Variants in TRPM8 observed in about 807,000 individuals in gnomAD.
TRPM8 encodes the protein transient receptor potential cation channel subfamily M member 8, also known as TRPM8 cationic channel.
In TRPM8, 110 loss-of-function variants were observed where a neutral mutation model predicts 133.7. The ratio of observed to expected loss-of-function variants is 0.82; its 90% CI spans 0.70 to 0.96. The LOEUF (loss-of-function observed/expected upper bound fraction) is 0.96. TRPM8 is among the 40% of genes least tolerant of loss of function. The probability of loss-of-function intolerance (pLI) is 0.00; values close to 1 mark genes in which losing one functional copy is unlikely to be tolerated. For missense variants in TRPM8, 1,291 were observed against 1,379.5 expected (o/e 0.94, Z 1.02); for synonymous variants, 535 against 532.3 (o/e 1.01, Z -0.07).
At chr2:233,940,632 A>G (rs1690882610) in intron 5 of TRPM8, among the ~76,000 whole-genome samples, 1 of 152,210 alleles carries the variant, frequency 6.6e-6, no homozygotes, top group South Asian at 2.1e-4. Context: ...GTCCACTTGG[A>G]GTGCTACCTT....
At position 233,966,605 on chromosome 2, in the gene TRPM8, T is replaced by C. The variant is rs1182713882; in HGVS notation, c.1880-5T>C. ...CAGCTTCTCTCTGTGCTGATGTCGCTGTAGAGCTGTTCACTGAGTGTTACA... is the reference window on the plus strand; with the variant it reads ...CAGCTTCTCTCTGTGCTGATGTCGCCGTAGAGCTGTTCACTGAGTGTTACA... On this transcript the variant is annotated splice_polypyrimidine_tract_variant and splice_region_variant and intron_variant, in intron 14 of 25. Transcript: ENST00000324695. The C allele has an allele frequency of 5.0e-6, 8 of 1,614,074 alleles. No individual in the cohort carries two copies. Among genetic ancestry groups the C allele is most frequent in the South Asian group, 1.1e-5 (1 of 91,082 alleles).
At chr2:233,953,518 G>A (rs867955110) in intron 9 of TRPM8, among the ~76,000 whole-genome samples, 3 of 152,132 alleles carry the variant, frequency 2.0e-5, no homozygotes, top group Non-Finnish European at 4.4e-5. Context: ...TTGCATTTGA[G>A]CTTTTATTTC....
At chr2:233,943,005 C>A in intron 6 of TRPM8, 8 of 453,208 alleles carry the variant, frequency 1.8e-5, no homozygotes, top group Admixed American at 3.4e-5. Context: ...CAGTCAGGTT[C>A]TTTATTCTTC....
chr2:233,965,885 G>A (rs1398570589), intron 14 of TRPM8: 3 of 144,104 alleles, frequency 2.1e-5, no homozygotes, highest in Non-Finnish European at 4.5e-5. Flanking sequence ...TTTCGCTCTT[G>A]TTGCCCAGGC....
intron 24 of TRPM8, among the ~76,000 whole-genome samples, chr2:234,012,948 C>A (rs536288546): frequency 2.6e-5 from 4 of 152,232 alleles, no homozygotes; most frequent in African/African-American, 7.2e-5. Context: ...TTGAACCACC[C>A]TTGCATCCCA....
chr2:233,965,823 C>T (rs531564677), intron 14 of TRPM8, among the ~76,000 whole-genome samples: 60 of 151,810 alleles, frequency 4.0e-4, no homozygotes, highest in African/African-American at 1.4e-3. Context: ...AATGTAAGCA[C>T]ACACTAATGC....
chr2:233,939,221 C>T, intron 5 of TRPM8, 46 bp downstream of exon 5: 1 of 1,602,274 alleles, frequency 6.2e-7, no homozygotes, highest in Non-Finnish European at 8.5e-7. Context: ...TCGGGCTGCA[C>T]CAAGTTTGGG....
At chr2:233,966,307 C>G (rs1691573394) in intron 14 of TRPM8, among the ~76,000 whole-genome samples, 2 of 152,136 alleles carry the variant, frequency 1.3e-5, no homozygotes, top group African/African-American at 4.8e-5. Context: ...TGAGGCTCTT[C>G]TGCCTGAGCC....
intron 5 of TRPM8, among the ~76,000 whole-genome samples, chr2:233,940,923 G>T (rs1298683960): frequency 1.3e-5 from 2 of 152,172 alleles, no homozygotes; most frequent in African/African-American, 4.8e-5. Context: ...GGTAATTGGT[G>T]GTTTTTGCAG....
At chr2:233,980,829 G>A (rs899260631) in intron 18 of TRPM8, among the ~76,000 whole-genome samples, 15 of 152,134 alleles carry the variant, frequency 9.9e-5, no homozygotes, top group African/African-American at 2.9e-4. Context: ...ATTCCACATC[G>A]TAGAGAGATT....
At chr2:234,012,606 C>T (rs900595189) in intron 24 of TRPM8, among the ~76,000 whole-genome samples, 1 of 151,530 alleles carries the variant, frequency 6.6e-6, no homozygotes, top group African/African-American at 2.4e-5. Context: ...TTCTTTTTTT[C>T]TTGTCTGATT....
At chr2:233,943,015 C>A in intron 6 of TRPM8, 13 of 483,664 alleles carry the variant, frequency 2.7e-5, no homozygotes, top group East Asian at 8.0e-5. Flanking sequence ...CTTTATTCTT[C>A]ATAACTATGG....
chr2:233,960,529 C>T (rs998070030), intron 11 of TRPM8, among the ~76,000 whole-genome samples: 1 of 152,184 alleles, frequency 6.6e-6, no homozygotes, highest in Non-Finnish European at 1.5e-5. Context: ...CATCCAAATT[C>T]ACATCTGGCT....
chr2:233,966,854 C>G, intron 15 of TRPM8, 99 bp downstream of exon 15: 3 of 1,379,016 alleles, frequency 2.2e-6, no homozygotes, highest in Non-Finnish European at 2.9e-6. Flanking sequence ...AAACCTTATT[C>G]TCCAATATAA....
intron 2 of TRPM8, among the ~76,000 whole-genome samples, chr2:233,928,780 T>C (rs1164444204): frequency 6.6e-6 from 1 of 152,172 alleles, no homozygotes; most frequent in Non-Finnish European, 1.5e-5. Flanking sequence ...GCTTGAGAAA[T>C]AGCATATCGC....
chr2:233,965,368 C>T (rs530703699), intron 14 of TRPM8, among the ~76,000 whole-genome samples: 28 of 152,178 alleles, frequency 1.8e-4, no homozygotes, highest in Non-Finnish European at 3.1e-4. Context: ...CTGGAGTGGA[C>T]GATACTGCAC....
chr2:233,993,902 TGTTAGA>T (rs374293580), intron 21 of TRPM8, among the ~76,000 whole-genome samples: 26 of 152,332 alleles, frequency 1.7e-4, no homozygotes, highest in African/African-American at 5.5e-4. Flanking sequence ...TTTTCTTTGG[TGTTAGA>T]GTTTTGGGAA....
intron 19 of TRPM8, among the ~76,000 whole-genome samples, chr2:233,982,472 A>G (rs1215187572): frequency 6.6e-6 from 1 of 152,268 alleles, no homozygotes; most frequent in Non-Finnish European, 1.5e-5. Context: ...TCTTTAAATC[A>G]GACGAGCATT....
At chr2:233,959,363 G>A (rs1296575580) in intron 11 of TRPM8, among the ~76,000 whole-genome samples, 3 of 126,392 alleles carry the variant, frequency 2.4e-5, no homozygotes, top group Non-Finnish European at 4.7e-5. Flanking sequence ...GTCTCACTCT[G>A]TCACCCAAGC....
Sources: allele counts gnomAD v4.1 joint callset (sites outside exome capture counted in the v4.1 genomes callset), GRCh38; gene constraint gnomAD v4.1.1; transcripts MANE v1.5; gene names NCBI Gene and HGNC (gene_info 2026-07-23, HGNC 2026-07-21).